CDK19: variants seen among roughly 807,000 people sequenced by gnomAD.
CDK19 encodes cyclin-dependent kinase 19.
A neutral mutation model predicts 68.3 loss-of-function variants in CDK19; 20 were observed. The observed-to-expected ratio is 0.29, with a 90% CI of 0.21 to 0.43. The LOEUF is 0.43. Ranked by LOEUF, CDK19 falls within the 20% of genes least tolerant of loss-of-function variation. The pLI is 1.00. For missense variants in CDK19, 339 were observed against 623.5 expected (o/e 0.54, Z 4.86); for synonymous variants, 221 against 222.8 (o/e 0.99, Z 0.07).
chr6:110,726,458 G>C (rs1165738076), intron 2 of CDK19, among the ~76,000 whole-genome samples: 1 of 152,050 alleles, frequency 6.6e-6, no homozygotes, highest in African/African-American at 2.4e-5. Context: ...AAAGAAAATG[G>C]GGGGATTATT....
chr6:110,748,244 C>CAGTA (rs1423167914), intron 1 of CDK19, among the ~76,000 whole-genome samples: 1 of 152,070 alleles, frequency 6.6e-6, no homozygotes, highest in Non-Finnish European at 1.5e-5. Flanking sequence ...AAGATCTTTG[C>CAGTA]AGTAAGTCAA....
At chr6:110,660,340 G>A (rs138832303) in intron 4 of CDK19, among the ~76,000 whole-genome samples, 6 of 152,242 alleles carry the variant, frequency 3.9e-5, no homozygotes, top group South Asian at 2.1e-4. Flanking sequence ...AACTCTGTGC[G>A]GGGCCCATGG....
At chr6:110,742,870 C>T (rs1777783241) in intron 2 of CDK19, among the ~76,000 whole-genome samples, 1 of 152,114 alleles carries the variant, frequency 6.6e-6, no homozygotes, top group Admixed American at 6.6e-5. Context: ...TCTAATTTTG[C>T]CCTTGCCTTG....
intron 1 of CDK19, among the ~76,000 whole-genome samples, chr6:110,790,883 G>C (rs1421085497): frequency 1.3e-5 from 2 of 151,826 alleles, no homozygotes; most frequent in Non-Finnish European, 2.9e-5. Context: ...TAAAAATGTA[G>C]AACAAGGGCC....
At chr6:110,646,458 C>T in intron 4 of CDK19, 1 of 1,493,430 alleles carries the variant, frequency 6.7e-7, no homozygotes, top group Non-Finnish European at 8.9e-7. Context: ...CGCCTCATCC[C>T]TGAGGCCCAG....
intron 4 of CDK19, among the ~76,000 whole-genome samples, chr6:110,658,606 C>T (rs2114335022): frequency 6.6e-6 from 1 of 152,286 alleles, no homozygotes; most frequent in Non-Finnish European, 1.5e-5. Flanking sequence ...ATTGTGATCT[C>T]ATTTAATCAA....
chr6:110,649,948 A>G (rs1299716989), intron 4 of CDK19, among the ~76,000 whole-genome samples: 2 of 152,228 alleles, frequency 1.3e-5, no homozygotes, highest in African/African-American at 4.8e-5. Flanking sequence ...AGGAACAACT[A>G]TATATAGCCT....
At position 110,656,035 on chromosome 6, in the gene CDK19, C is replaced by T. The variant is rs867497083; in HGVS notation, c.456+11399G>A. Among the ~76,000 whole-genome samples the T allele has an allele frequency of 3.9e-5, 6 of 152,194 alleles. No individual in the cohort carries two copies. The South Asian group carries it at 1.0e-3, about 26-fold the overall frequency. ...TGCCTGGAATGCTCTCCCCACCCAC[C>T]TCTCTTCATCTTACCAATTTCTATG... is the stretch of plus-strand genomic sequence containing the variant. On this transcript the variant is annotated intron_variant, in intron 4 of 12. Transcript: ENST00000368911.
intron 2 of CDK19, among the ~76,000 whole-genome samples, chr6:110,683,402 C>A (rs1772181625): frequency 6.6e-6 from 1 of 152,050 alleles, no homozygotes; most frequent in Non-Finnish European, 1.5e-5. Context: ...CTCCGGTTAG[C>A]TTTGACATCA....
intron 1 of CDK19, among the ~76,000 whole-genome samples, chr6:110,801,825 A>T (rs965287543): frequency 3.9e-5 from 6 of 152,216 alleles, no homozygotes; most frequent in African/African-American, 1.4e-4. Context: ...AGTTATTTTA[A>T]ATTTTTTTAA....
chr6:110,748,421 A>C (rs908878466), intron 1 of CDK19, among the ~76,000 whole-genome samples: 3 of 152,228 alleles, frequency 2.0e-5, no homozygotes, highest in African/African-American at 7.2e-5. Flanking sequence ...TAATAAGTTT[A>C]AATATAACTT....
intron 4 of CDK19, chr6:110,645,899 C>A: frequency 1.2e-6 from 1 of 816,052 alleles, no homozygotes; most frequent in Non-Finnish European, 2.0e-6. Flanking sequence ...GCGACTCAGT[C>A]CTGCGAACTG....
Position 110,638,244 on chromosome 6 carries a change from G to A in CDK19, c.514+405C>T, listed in dbSNP as rs73524671. Among the ~76,000 whole-genome samples, 1,319 of 152,304 alleles carry A rather than the reference G, an allele frequency of 8.7e-3. 19 individuals are homozygous for A. The highest frequency in any genetic ancestry group is 0.03 in the African/African-American group (1,264 of 41,558). On this transcript the variant is annotated intron_variant, in intron 5 of 12. Coordinates refer to ENST00000368911, the MANE Select transcript of CDK19 (RefSeq NM_015076.5). ...GTGTGGTGAAGTAGGGAGAACCTGT[G>A]AAGGTTTAAATATATTCGCTCAGGG...
chr6:110,620,560 T>A (rs978368249), intron 12 of CDK19, among the ~76,000 whole-genome samples: 4 of 152,228 alleles, frequency 2.6e-5, no homozygotes. Flanking sequence ...ATTTCCTGAA[T>A]TAGCACTGCA....
intron 4 of CDK19, chr6:110,646,121 C>A (rs562005375): frequency 3.3e-6 from 3 of 898,100 alleles, no homozygotes; most frequent in East Asian, 2.6e-5. Flanking sequence ...AGGTGATTCT[C>A]ATCTCTGATG....
In CDK19 at chr6:110,614,029, T is replaced by G. The variant is rs1778159430; in HGVS notation, c.*506A>C. On this transcript the variant is annotated 3_prime_UTR_variant, in exon 13 of 13. Coordinates refer to ENST00000368911, the MANE Select transcript of CDK19 (RefSeq NM_015076.5). ...CTTTGGGACAGTAACAGTTTCTGTT[T>G]AAGACTTCCATGAGCAGAACAGTTA... is the stretch of plus-strand genomic sequence containing the variant. 6.5e-6 allele frequency: 1 copy of G among 152,768 alleles called. No homozygotes were observed. The highest frequency in any genetic ancestry group is 2.4e-5 in the African/African-American group (1 of 41,462). 9.5% of individuals were successfully genotyped at this position (152,768 alleles called of 1,614,324 possible). A position where few individuals can be genotyped will look rare whatever the true frequency, so the allele number is the denominator to read the frequency against.
At chr6:110,799,792 G>A (rs905491588) in intron 1 of CDK19, among the ~76,000 whole-genome samples, 2 of 151,956 alleles carry the variant, frequency 1.3e-5, no homozygotes, top group African/African-American at 2.4e-5. Flanking sequence ...TTGTAGAGAC[G>A]AAGTCTCACT....
intron 1 of CDK19, among the ~76,000 whole-genome samples, chr6:110,767,663 G>C (rs1332307984): frequency 3.3e-5 from 5 of 151,906 alleles, no homozygotes; most frequent in Admixed American, 3.3e-4. Context: ...GCCATGAAGA[G>C]AGAATTTTGA....
intron 1 of CDK19, among the ~76,000 whole-genome samples, chr6:110,782,043 G>A (rs1780863263): frequency 6.6e-6 from 1 of 152,084 alleles, no homozygotes; most frequent in Admixed American, 6.6e-5. Context: ...ACTTCTCAAA[G>A]AAATCTGCTA....
Sources: gnomAD v4.1 joint callset for allele counts (sites outside exome capture counted in the v4.1 genomes callset) on GRCh38, gnomAD v4.1.1 for gene constraint, MANE v1.5 for transcripts, NCBI Gene and HGNC (gene_info 2026-07-23, HGNC 2026-07-21) for gene names.